BCL2L14: variants seen among roughly 807,000 people sequenced by gnomAD.
BCL2L14 encodes BCL2 like 14.
Under a neutral mutation model 35.3 loss-of-function variants are expected in BCL2L14, and 27 were observed. The observed-to-expected ratio is 0.76, with a 90% CI of 0.56 to 1.05. BCL2L14 has a LOEUF of 1.05. BCL2L14 is among the 50% of genes least tolerant of loss of function. The probability of loss-of-function intolerance (pLI) is 0.00; values close to 1 mark genes in which losing one functional copy is unlikely to be tolerated. For missense variants in BCL2L14, 377 were observed against 382.6 expected (o/e 0.99, Z 0.12); for synonymous variants, 139 against 145.9 (o/e 0.95, Z 0.34).
chr12:12,052,207 A>G (rs1948367277), intron 2 of BCL2L14, among the ~76,000 whole-genome samples: 1 of 152,240 alleles, frequency 6.6e-6, no homozygotes, highest in Non-Finnish European at 1.5e-5. Flanking sequence ...TAGTAAATCC[A>G]TCACCTCACA....
At chr12:12,095,870 C>A in intron 5 of BCL2L14, 1 of 985,410 alleles carries the variant, frequency 1.0e-6, no homozygotes, top group South Asian at 4.7e-5. Context: ...ACATTGAGTT[C>A]CTTTCTATTT....
At chr12:12,064,341 A>G (rs528278942) in intron 2 of BCL2L14, among the ~76,000 whole-genome samples, 269 of 151,374 alleles carry the variant, frequency 1.8e-3, no homozygotes, top group Non-Finnish European at 3.2e-3. Context: ...GGGCCTCACT[A>G]TGTTACCCAG....
Position 12,090,971 on chromosome 12 carries a change from T to G in BCL2L14, c.678+122T>G, listed in dbSNP as rs1949177425. ...CTAAGTCCTGGTTTCTACTTAGTCCTAAATTTTATTTCCCTTGGAGTCAAA... is the reference window on the plus strand; with the variant it reads ...CTAAGTCCTGGTTTCTACTTAGTCCGAAATTTTATTTCCCTTGGAGTCAAA... On this transcript the variant is annotated intron_variant, in intron 4 of 5. Transcript: ENST00000308721. 5.3e-6 allele frequency: 3 copies of G among 565,838 alleles called. No homozygotes were observed. The African/African-American group carries it at 5.9e-5, about 11-fold the overall frequency. The allele number at this position is 565,838 out of a possible 1,614,324, so 35.1% of individuals were successfully genotyped here. A position where few individuals can be genotyped will look rare whatever the true frequency, so the allele number is the denominator to read the frequency against.
At chr12:12,077,537 CA>C (rs58644458) in intron 1 of BCL2L14, among the ~76,000 whole-genome samples, 109 of 113,088 alleles carry the variant, frequency 9.6e-4, no homozygotes, top group Admixed American at 2.0e-3. Context: ...AACTGAGTCT[CA>C]AAAAAAAAAA....
intron 2 of BCL2L14, among the ~76,000 whole-genome samples, chr12:12,056,891 C>A (rs1331358236): frequency 6.6e-6 from 1 of 152,178 alleles, no homozygotes; most frequent in Non-Finnish European, 1.5e-5. Flanking sequence ...TAGCTAGATG[C>A]ATCTCAATCA....
At chr12:12,098,107 G>T (rs1338400025) in intron 5 of BCL2L14, among the ~76,000 whole-genome samples, 1 of 152,166 alleles carries the variant, frequency 6.6e-6, no homozygotes, top group Admixed American at 6.6e-5. Context: ...ATGAGCTATG[G>T]AAGTGTGAAG....
At chr12:12,086,518 T>C (rs1327637255) in intron 2 of BCL2L14, among the ~76,000 whole-genome samples, 1 of 152,220 alleles carries the variant, frequency 6.6e-6, no homozygotes, top group Admixed American at 6.5e-5. Flanking sequence ...CAAAGTGCTT[T>C]ATTCTACAAT....
intron 1 of BCL2L14, among the ~76,000 whole-genome samples, chr12:12,077,551 A>AG (rs969910985): frequency 1.3e-5 from 2 of 151,610 alleles, no homozygotes; most frequent in African/African-American, 4.8e-5. Context: ...AAAAAAAAAA[A>AG]AAAGAGAGCC....
Position 12,061,984 on chromosome 12 carries a change from G to C in BCL2L14, c.-272+10137G>C, listed in dbSNP as rs1206582775. ...GGACCGCACCCTGTAACCTTTCTAT[G>C]CAAACAACTTGACCTTACTGTTTTA... On this transcript the variant is annotated intron_variant, in intron 2 of 3. Transcript: ENST00000461264. 3.9e-5 allele frequency among the ~76,000 whole-genome samples: 6 copies of C among 152,252 alleles called. No individual in the cohort carries two copies. In the East Asian group the frequency reaches 5.8e-4, roughly 15 times the overall value.
chr12:12,053,278 T>C (rs1948384392), intron 2 of BCL2L14, among the ~76,000 whole-genome samples: 1 of 152,206 alleles, frequency 6.6e-6, no homozygotes, highest in South Asian at 2.1e-4. Flanking sequence ...AGGGCTAATC[T>C]AATAGCAGAG....
At chr12:12,059,898 G>A (rs1024638986) in intron 2 of BCL2L14, among the ~76,000 whole-genome samples, 12 of 152,200 alleles carry the variant, frequency 7.9e-5, no homozygotes, top group African/African-American at 2.6e-4. Context: ...ATAGGCAAAT[G>A]GTCTGAGATG....
chr12:12,050,810 A>AAAAAG (rs1555084771), intron 1 of BCL2L14, among the ~76,000 whole-genome samples: 4 of 110,058 alleles, frequency 3.6e-5, no homozygotes, highest in African/African-American at 1.2e-4. Flanking sequence ...AAAAAAAAAA[A>AAAAAG]AAAGAAAAGA....
intron 5 of BCL2L14, among the ~76,000 whole-genome samples, chr12:12,096,614 G>GTT (rs1301688314): frequency 6.6e-6 from 1 of 152,126 alleles, no homozygotes; most frequent in Non-Finnish European, 1.5e-5. Flanking sequence ...TATATAAATG[G>GTT]CTAAAAGCAC....
rs1949380767 is a variant in BCL2L14 at position 12,099,322 on chromosome 12, G to A, written c.*334G>A. ...GCTGCTGTAGGGAAAGTGCGTTACA[G>A]ATGTCTGCTGACCTCACAAGAGTGA... On this transcript the variant is annotated 3_prime_UTR_variant, in exon 6 of 6. Transcript: ENST00000308721. The A allele has an allele frequency of 3.4e-6, 1 of 296,820 alleles. No homozygotes were observed. Among genetic ancestry groups the A allele is most frequent in the Admixed American group, 5.0e-5 (1 of 20,180 alleles). The allele number at this position is 296,820 out of a possible 1,614,324, so 18.4% of individuals were successfully genotyped here. A position where few individuals can be genotyped will look rare whatever the true frequency, so the allele number is the denominator to read the frequency against.
intron 2 of BCL2L14, among the ~76,000 whole-genome samples, chr12:12,085,188 G>A (rs1324983455): frequency 6.6e-6 from 1 of 152,158 alleles, no homozygotes; most frequent in South Asian, 2.1e-4. Flanking sequence ...TATGAGAGGA[G>A]GAGGGGACAG....
chr12:12,061,613 C>T (rs1948527299), intron 2 of BCL2L14, among the ~76,000 whole-genome samples: 1 of 151,994 alleles, frequency 6.6e-6, no homozygotes, highest in African/African-American at 2.4e-5. Flanking sequence ...CCTCCACAAC[C>T]CATTATTCTG....
At chr12:12,097,552 T>C (rs910974130) in intron 5 of BCL2L14, among the ~76,000 whole-genome samples, 4 of 152,192 alleles carry the variant, frequency 2.6e-5, no homozygotes, top group African/African-American at 9.7e-5. Context: ...GAATAATTGC[T>C]AAGGGATGTG....
rs1318398681 is a variant in BCL2L14 at position 12,055,314 on chromosome 12, A to C, written c.-272+3467A>C. 2.6e-5 allele frequency: 4 copies of C among 152,202 alleles called. No individual in the cohort carries two copies. In the East Asian group the frequency reaches 7.7e-4, roughly 29 times the overall value. 9.4% of individuals were successfully genotyped at this position (152,202 alleles called of 1,614,324 possible). A position where few individuals can be genotyped will look rare whatever the true frequency, so the allele number is the denominator to read the frequency against. ...TGCATCTCATGACATCGTTGTCAGA[A>C]GCCTTGCTAGAGTGAACGTGCACTT... On this transcript the variant is annotated intron_variant, in intron 2 of 3. Coordinates refer to the BCL2L14 transcript ENST00000461264.
chr12:12,065,639 GA>G, intron 2 of BCL2L14, among the ~76,000 whole-genome samples: 1 of 152,042 alleles, frequency 6.6e-6, no homozygotes, highest in South Asian at 2.1e-4. Context: ...AAAAGTAATG[GA>G]AGATAAAGAT....
Sources: gnomAD v4.1 joint callset for allele counts (sites outside exome capture counted in the v4.1 genomes callset) on GRCh38, gnomAD v4.1.1 for gene constraint, MANE v1.5 for transcripts, NCBI Gene and HGNC (gene_info 2026-07-23, HGNC 2026-07-21) for gene names.